Variants in MALRD1 observed in about 807,000 individuals in gnomAD.
The protein encoded by MALRD1 is MAM and LDL-receptor class A domain-containing protein 1.
A neutral mutation model predicts 242.1 loss-of-function variants in MALRD1; 247 were observed. The ratio of observed to expected loss-of-function variants is 1.02; its 90% CI spans 0.92 to 1.13. The LOEUF (loss-of-function observed/expected upper bound fraction) is 1.13. Ranked by LOEUF, MALRD1 falls within the 50% of genes most tolerant of loss-of-function variation. The pLI is 0.00. For missense variants in MALRD1, 2,989 were observed against 2,533.1 expected (o/e 1.18, Z -3.86); for synonymous variants, 995 against 866.6 (o/e 1.15, Z -2.60).
intron 31 of MALRD1, among the ~76,000 whole-genome samples, chr10:19,508,107 A>G (rs1369057280): frequency 7.6e-6 from 1 of 131,620 alleles, no homozygotes; most frequent in Non-Finnish European, 1.6e-5. Context: ...GAGTTTCTGG[A>G]TGGTGGGGGT....
intron 36 of MALRD1, among the ~76,000 whole-genome samples, chr10:19,656,257 A>G (rs963404587): frequency 1.3e-5 from 2 of 152,132 alleles, no homozygotes; most frequent in Non-Finnish European, 2.9e-5. Context: ...CCATTCTTGG[A>G]TTTATTTATG....
At chr10:19,196,239 T>A (rs1364692565) in intron 14 of MALRD1, among the ~76,000 whole-genome samples, 1 of 152,212 alleles carries the variant, frequency 6.6e-6, no homozygotes, top group Non-Finnish European at 1.5e-5. Context: ...TAATTTCTCC[T>A]TCCTGCTAAC....
chr10:19,533,584 G>C (rs1021858486), intron 32 of MALRD1, among the ~76,000 whole-genome samples: 1 of 152,150 alleles, frequency 6.6e-6, no homozygotes, highest in Non-Finnish European at 1.5e-5. Context: ...TTCTGATGAG[G>C]GTTCAAGAAG....
At chr10:19,199,175 A>G (rs532111401) in intron 14 of MALRD1, among the ~76,000 whole-genome samples, 20 of 152,196 alleles carry the variant, frequency 1.3e-4, no homozygotes, top group African/African-American at 4.8e-4. Flanking sequence ...CTAGAGGAAA[A>G]AAAAATCTTT....
intron 38 of MALRD1, among the ~76,000 whole-genome samples, chr10:19,719,204 A>ATATATGTG (rs1834589473): frequency 2.1e-5 from 2 of 94,674 alleles, no homozygotes; most frequent in East Asian, 5.4e-4. Flanking sequence ...ACATATATAT[A>ATATATGTG]TATATATACA....
At chr10:19,543,524 T>G (rs1216634269) in intron 32 of MALRD1, among the ~76,000 whole-genome samples, 2 of 147,486 alleles carry the variant, frequency 1.4e-5, no homozygotes, top group Non-Finnish European at 3.0e-5. Flanking sequence ...TCCTCCTGCC[T>G]CAGAATCCCA....
intron 5 of MALRD1, among the ~76,000 whole-genome samples, chr10:19,116,275 GAATATTCTGTGAATATTTTT>G: frequency 6.6e-6 from 1 of 152,140 alleles, no homozygotes. Flanking sequence ...AGAATATTTT[GAATATTCTGTGAATATTTTT>G]AGATTGGTTT....
At chr10:19,550,885 A>G (rs900711680) in intron 32 of MALRD1, among the ~76,000 whole-genome samples, 1 of 152,194 alleles carries the variant, frequency 6.6e-6, no homozygotes, top group Non-Finnish European at 1.5e-5. Flanking sequence ...GCTGGTTAAA[A>G]TGCTAGTTCT....
At chr10:19,501,387 C>T (rs1229464000) in intron 31 of MALRD1, among the ~76,000 whole-genome samples, 1 of 152,098 alleles carries the variant, frequency 6.6e-6, no homozygotes, top group Non-Finnish European at 1.5e-5. Context: ...CTGTTGAGAA[C>T]CCAGAGAAAC....
At chr10:19,467,168 C>T (rs950292050) in intron 29 of MALRD1, among the ~76,000 whole-genome samples, 10 of 151,870 alleles carry the variant, frequency 6.6e-5, no homozygotes, top group African/African-American at 2.4e-4. Flanking sequence ...TTGTGGCTAA[C>T]TTGGTGAAAT....
chr10:19,336,801 T>C (rs1446865519), intron 24 of MALRD1, among the ~76,000 whole-genome samples: 6 of 152,032 alleles, frequency 3.9e-5, no homozygotes, highest in African/African-American at 1.4e-4. Flanking sequence ...CACAAATTAA[T>C]GAAATAGAAC....
At chr10:19,169,563 C>A (rs976681471) in intron 13 of MALRD1, among the ~76,000 whole-genome samples, 7 of 152,012 alleles carry the variant, frequency 4.6e-5, no homozygotes, top group African/African-American at 4.8e-5. Flanking sequence ...CCTTGTATCT[C>A]TCTCCATCCC....
chr10:19,513,807 C>T (rs868541523), intron 31 of MALRD1, among the ~76,000 whole-genome samples: 2 of 152,054 alleles, frequency 1.3e-5, no homozygotes, highest in Admixed American at 6.6e-5. Flanking sequence ...TTAACTAACA[C>T]AGTATCTTAA....
intron 28 of MALRD1, among the ~76,000 whole-genome samples, chr10:19,448,898 T>G (rs1006016902): frequency 2.6e-5 from 4 of 152,088 alleles, no homozygotes; most frequent in Non-Finnish European, 1.5e-5. Flanking sequence ...CTGAATTCAC[T>G]TCATAAATCC....
intron 18 of MALRD1, among the ~76,000 whole-genome samples, chr10:19,229,358 T>C (rs1233291404): frequency 1.3e-5 from 2 of 152,182 alleles, no homozygotes; most frequent in Non-Finnish European, 2.9e-5. Context: ...ATGAAACTTT[T>C]TCAGAATTTG....
chr10:19,525,408 A>G (rs1035797365), intron 31 of MALRD1, among the ~76,000 whole-genome samples: 51 of 152,258 alleles, frequency 3.3e-4, no homozygotes, highest in African/African-American at 9.9e-4. Flanking sequence ...ATAGTGATTG[A>G]TTCTGAATTT....
At chr10:19,456,806 C>T (rs1219285394) in intron 29 of MALRD1, among the ~76,000 whole-genome samples, 2 of 145,998 alleles carry the variant, frequency 1.4e-5, no homozygotes, top group Non-Finnish European at 1.5e-5. Context: ...CAGAGTCTCG[C>T]TCTGTCGCCA....
At chr10:19,191,659 C>CT (rs1465535896) in intron 14 of MALRD1, among the ~76,000 whole-genome samples, 4 of 152,074 alleles carry the variant, frequency 2.6e-5, no homozygotes, top group African/African-American at 7.2e-5. Context: ...GTTATTTAGT[C>CT]ATAACAAGGA....
chr10:19,146,066 G>A, intron 10 of MALRD1, 132 bp from the exon 11 acceptor site: 2 of 602,594 alleles, frequency 3.3e-6, no homozygotes, highest in Non-Finnish European at 4.8e-6. Context: ...AAGCTATTCC[G>A]ATCATTAGAG....
Sources: allele counts gnomAD v4.1 joint callset (sites outside exome capture counted in the v4.1 genomes callset), GRCh38; gene constraint gnomAD v4.1.1; transcripts MANE v1.5; gene names NCBI Gene and HGNC (gene_info 2026-07-23, HGNC 2026-07-21).